The following OSBPL9 variants were observed in gnomAD, a reference collection of about 807,000 sequenced individuals.
The protein encoded by OSBPL9 is oxysterol binding protein like 9.
Under a neutral mutation model 106.6 loss-of-function variants are expected in OSBPL9, and 40 were observed. The observed-to-expected ratio is 0.38, with a 90% CI of 0.29 to 0.49. The LOEUF (loss-of-function observed/expected upper bound fraction) is 0.49, where lower values mean the gene tolerates loss of function less well. OSBPL9 is among the 20% of genes least tolerant of loss of function. OSBPL9 has a pLI of 0.97. For synonymous variants in OSBPL9, 269 were observed against 295.4 expected, an observed-to-expected ratio of 0.91 and a Z score of 0.92; for missense variants, 609 against 887.2, an observed-to-expected ratio of 0.69 and a Z score of 3.98.
chr1:51,539,391 T>C, the OSBPL9 span, among the ~76,000 whole-genome samples: 1 of 152,106 alleles, frequency 6.6e-6, no homozygotes, highest in African/African-American at 2.4e-5. Flanking sequence ...TTAGTCCATT[T>C]CTCTCTGTGT....
the OSBPL9 span, among the ~76,000 whole-genome samples, chr1:51,540,617 G>T: frequency 6.6e-5 from 10 of 150,558 alleles, no homozygotes; most frequent in Non-Finnish European, 7.4e-5. Flanking sequence ...TAGCACCACT[G>T]CACTCCAGCC....
rs1678334436 is a variant in OSBPL9, at chr1:51,788,846, C to CTA, written c.*1059_*1060dup. On this transcript the variant is annotated 3_prime_UTR_variant, in exon 24 of 24. Coordinates refer to ENST00000428468, the MANE Select transcript of OSBPL9 (RefSeq NM_024586.6). ...AAGGGAAATACAGAACTATATCTAT[C>CTA]TATCTATCTATCATCTTTTTTATTT... Among the ~76,000 whole-genome samples, 2 of 148,220 alleles carry CTA rather than the reference C, an allele frequency of 1.3e-5. No individual in the cohort carries two copies. Among genetic ancestry groups the CTA allele is most frequent in the African/African-American group, 2.6e-5 (1 of 37,880 alleles).
the OSBPL9 span, among the ~76,000 whole-genome samples, chr1:51,532,787 A>G: frequency 3.9e-5 from 6 of 152,268 alleles, no homozygotes; most frequent in Admixed American, 3.3e-4. Flanking sequence ...TTAGGTGGGT[A>G]AAAAGGGAAG....
At chr1:51,639,189 C>T (rs1332421022) in intron 1 of OSBPL9, among the ~76,000 whole-genome samples, 1 of 152,138 alleles carries the variant, frequency 6.6e-6, no homozygotes, top group Non-Finnish European at 1.5e-5. Flanking sequence ...TATCTTCCTG[C>T]AAAATTCCCT....
In OSBPL9 at chr1:51,721,618, A is replaced by T. The variant is rs1662138805; in HGVS notation, c.318+7539A>T. Among the ~76,000 whole-genome samples the T allele has an allele frequency of 2.0e-5, 3 of 152,096 alleles. No homozygotes were observed. The South Asian group carries it at 6.2e-4, about 32-fold the overall frequency. On this transcript the variant is annotated intron_variant, in intron 4 of 23. Transcript: ENST00000428468. ...GTAGATTAATAAAAATCTTTTGAGC[A>T]TTTTTCTTGAACTACTTCACTGAAG...
chr1:51,553,685 A>AT, the OSBPL9 span, among the ~76,000 whole-genome samples: 27 of 147,700 alleles, frequency 1.8e-4, no homozygotes, highest in Admixed American at 2.7e-4. Flanking sequence ...CTAAAAAAAA[A>AT]TTTTTTTTTT....
chr1:51,577,952 A>G (rs1426159436), intron 1 of OSBPL9, among the ~76,000 whole-genome samples: 1 of 152,192 alleles, frequency 6.6e-6, no homozygotes, highest in African/African-American at 2.4e-5. Context: ...AGCCCTTTAT[A>G]ACCCGAAAAG....
chr1:51,520,678 C>T, the OSBPL9 span, among the ~76,000 whole-genome samples: 3 of 152,188 alleles, frequency 2.0e-5, no homozygotes, highest in South Asian at 6.2e-4. Flanking sequence ...TAGCAGTCCC[C>T]GTGGTAGGAG....
At chr1:51,752,243 C>T (rs1339427945) in intron 8 of OSBPL9, among the ~76,000 whole-genome samples, 1 of 151,252 alleles carries the variant, frequency 6.6e-6, no homozygotes, top group Non-Finnish European at 1.5e-5. Flanking sequence ...CCCCCTCCAC[C>T]CCCGCCCCCG....
chr1:51,536,174 T>C, the OSBPL9 span, among the ~76,000 whole-genome samples: 2 of 152,168 alleles, frequency 1.3e-5, no homozygotes, highest in South Asian at 4.1e-4. Flanking sequence ...ATACAGTCCA[T>C]ACTCAAATTT....
At chr1:51,766,004 T>C in intron 12 of OSBPL9, 23 bp downstream of exon 12, 1 of 1,558,852 alleles carries the variant, frequency 6.4e-7, no homozygotes, top group East Asian at 2.3e-5. Flanking sequence ...ACAGAATATG[T>C]ATTTAAATGA....
chr1:51,709,996 A>G (rs1289376832), intron 3 of OSBPL9: 1 of 152,286 alleles, frequency 6.6e-6, no homozygotes, highest in East Asian at 1.9e-4. Flanking sequence ...CATGTAGAAT[A>G]CTTAACTATT....
At chr1:51,707,392 G>T in intron 3 of OSBPL9, 1 of 177,054 alleles carries the variant, frequency 5.6e-6, no homozygotes, top group East Asian at 1.8e-4. Flanking sequence ...GTATTTGGCA[G>T]GGTTTTCTGG....
chr1:51,787,627 G>A, intron 23 of OSBPL9, 88 bp from the exon 24 acceptor site: 6 of 1,584,456 alleles, frequency 3.8e-6, no homozygotes, highest in South Asian at 3.4e-5. Flanking sequence ...CAGTCTAATG[G>A]CGGGGTGGGG....
At chr1:51,589,191 T>C (rs986978721) in intron 1 of OSBPL9, among the ~76,000 whole-genome samples, 1 of 151,942 alleles carries the variant, frequency 6.6e-6, no homozygotes, top group Non-Finnish European at 1.5e-5. Context: ...CGGGCTCAAG[T>C]GATTCTCTCA....
intron 1 of OSBPL9, among the ~76,000 whole-genome samples, chr1:51,591,234 TTTAA>T (rs1645273930): frequency 6.6e-6 from 1 of 152,024 alleles, no homozygotes; most frequent in South Asian, 2.1e-4. Context: ...TGGCTAATTT[TTTAA>T]TTAATTAATT....
chr1:51,538,976 T>A, the OSBPL9 span, among the ~76,000 whole-genome samples: 5 of 152,178 alleles, frequency 3.3e-5, no homozygotes, highest in Admixed American at 6.5e-5. Context: ...CACCCTAAAA[T>A]CCTCTGGACT....
chr1:51,655,094 G>A (rs1443275474), intron 2 of OSBPL9, among the ~76,000 whole-genome samples: 3 of 152,094 alleles, frequency 2.0e-5, no homozygotes, highest in Non-Finnish European at 4.4e-5. Context: ...ATGTTAGTAT[G>A]TTTTACCATA....
chr1:51,546,245 G>C, the OSBPL9 span, among the ~76,000 whole-genome samples: 1 of 152,090 alleles, frequency 6.6e-6, no homozygotes, highest in South Asian at 2.1e-4. Flanking sequence ...TCGAATTCCT[G>C]AGCGCAAGCG....
Sources: allele counts gnomAD v4.1 joint callset (sites outside exome capture counted in the v4.1 genomes callset), GRCh38; gene constraint gnomAD v4.1.1; transcripts MANE v1.5; gene names NCBI Gene and HGNC (gene_info 2026-07-23, HGNC 2026-07-21).